KCNH8: variants seen among roughly 807,000 people sequenced by gnomAD.
The protein encoded by KCNH8 is potassium voltage-gated channel subfamily H member 8.
A neutral mutation model predicts 103.6 loss-of-function variants in KCNH8; 70 were observed. The observed-to-expected ratio is 0.68, with a 90% CI of 0.56 to 0.82. The LOEUF (loss-of-function observed/expected upper bound fraction) is 0.82, where lower values mean the gene tolerates loss of function less well. Ranked by LOEUF, KCNH8 falls within the 40% of genes least tolerant of loss-of-function variation. KCNH8 has a pLI of 0.00. For synonymous variants in KCNH8, 498 were observed against 489.4 expected (o/e 1.02, Z -0.23); for missense variants, 1,217 against 1,329.9 (o/e 0.92, Z 1.32).
intron 3 of KCNH8, among the ~76,000 whole-genome samples, chr3:19,293,106 C>G (rs896428278): frequency 6.6e-6 from 1 of 152,046 alleles, no homozygotes; most frequent in African/African-American, 2.4e-5. Context: ...TTTCTATATG[C>G]CAGACATATT....
chr3:19,155,420 A>G (rs932400417), intron 1 of KCNH8, among the ~76,000 whole-genome samples: 7 of 152,136 alleles, frequency 4.6e-5, no homozygotes, highest in Non-Finnish European at 1.5e-5. Context: ...CCCTGTGACC[A>G]TCAGTCCCTT....
chr3:19,477,644 G>A (rs1467239309), intron 11 of KCNH8, among the ~76,000 whole-genome samples: 2 of 151,986 alleles, frequency 1.3e-5, no homozygotes, highest in African/African-American at 4.8e-5. Flanking sequence ...AACAAACAAG[G>A]AATCCAGAAA....
At chr3:19,287,575 G>T (rs2064849455) in intron 3 of KCNH8, among the ~76,000 whole-genome samples, 2 of 146,212 alleles carry the variant, frequency 1.4e-5, no homozygotes, top group South Asian at 4.2e-4. Context: ...TCCACTTTTT[G>T]TTGTTGTTGT....
intron 1 of KCNH8, among the ~76,000 whole-genome samples, chr3:19,215,235 A>G (rs1158760977): frequency 6.6e-6 from 1 of 152,222 alleles, no homozygotes; most frequent in Non-Finnish European, 1.5e-5. Context: ...ACTAAGGTAC[A>G]GAAACTAAGA....
intron 11 of KCNH8, among the ~76,000 whole-genome samples, chr3:19,484,955 T>C (rs555518939): frequency 6.6e-6 from 1 of 152,282 alleles, no homozygotes; most frequent in Admixed American, 6.5e-5. Context: ...AAGGAGTGCA[T>C]TTAATTTTAA....
chr3:19,170,735 CAT>C (rs1231439099), intron 1 of KCNH8, among the ~76,000 whole-genome samples: 64 of 114,568 alleles, frequency 5.6e-4, no homozygotes, highest in African/African-American at 1.8e-3. Context: ...TATACACACA[CAT>C]ATATATACAC....
At chr3:19,304,806 G>T (rs2065109059) in intron 3 of KCNH8, among the ~76,000 whole-genome samples, 1 of 152,104 alleles carries the variant, frequency 6.6e-6, no homozygotes, top group African/African-American at 2.4e-5. Flanking sequence ...TTGAGACGTG[G>T]CTAGTGTTAC....
chr3:19,327,497 C>G (rs1173238087), intron 3 of KCNH8, among the ~76,000 whole-genome samples: 1 of 152,142 alleles, frequency 6.6e-6, no homozygotes, highest in Non-Finnish European at 1.5e-5. Context: ...ACCATGTTGG[C>G]TGGTCTGGTC....
intron 3 of KCNH8, among the ~76,000 whole-genome samples, chr3:19,335,832 C>G (rs1398229979): frequency 6.6e-6 from 1 of 151,672 alleles, no homozygotes; most frequent in Non-Finnish European, 1.5e-5. Flanking sequence ...CAATTTTCTA[C>G]AAAGTAATTT....
chr3:19,353,638 G>A lies in KCNH8; in HGVS notation c.811+5673G>A, dbSNP rs369915924. ...ACAGAACCAAAGACAAAAACCACAT[G>A]ATTATCTCAATAGATGCAGAAAAGG... On this transcript the variant is annotated intron_variant, in intron 5 of 15. Coordinates refer to ENST00000328405, the MANE Select transcript of KCNH8 (RefSeq NM_144633.3). Among the ~76,000 whole-genome samples, 13 of 152,256 alleles carry A rather than the reference G, an allele frequency of 8.5e-5. 1 individual carries two copies. The highest frequency in any genetic ancestry group is 4.6e-4 in the Admixed American group (7 of 15,286).
intron 11 of KCNH8, among the ~76,000 whole-genome samples, chr3:19,488,443 C>G (rs2068255849): frequency 6.6e-6 from 1 of 152,166 alleles, no homozygotes; most frequent in Admixed American, 6.5e-5. Flanking sequence ...CAAACCCTGC[C>G]TGTTTTTGCA....
chr3:19,350,770 T>C (rs970440627), intron 5 of KCNH8, among the ~76,000 whole-genome samples: 3 of 152,014 alleles, frequency 2.0e-5, no homozygotes, highest in African/African-American at 4.8e-5. Flanking sequence ...AACACAAAGA[T>C]GGGGAGAAAC....
At chr3:19,148,895 T>C in intron 1 of KCNH8, 100 bp downstream of exon 1, 1 of 1,063,812 alleles carries the variant, frequency 9.4e-7, no homozygotes, top group Non-Finnish European at 1.5e-6. Context: ...ACCAGCGGAG[T>C]GAATTTTCTT....
intron 7 of KCNH8, among the ~76,000 whole-genome samples, chr3:19,400,247 A>AAAAAAAAAAAAC (rs2066591947): frequency 6.6e-6 from 1 of 150,780 alleles, no homozygotes; most frequent in Non-Finnish European, 1.5e-5. Flanking sequence ...AAAAAAAAAA[A>AAAAAAAAAAAAC]AAAAAAAAGC....
chr3:19,509,145 A>G (rs2068742948), intron 11 of KCNH8, among the ~76,000 whole-genome samples: 1 of 152,212 alleles, frequency 6.6e-6, no homozygotes, highest in Non-Finnish European at 1.5e-5. Flanking sequence ...TATGTCTAAA[A>G]TGCATCTGGT....
intron 3 of KCNH8, among the ~76,000 whole-genome samples, chr3:19,316,247 A>G (rs145044840): frequency 4.7e-4 from 72 of 152,008 alleles, no homozygotes; most frequent in African/African-American, 1.7e-3. Context: ...TGTGCATTGT[A>G]GGATTTTTAG....
chr3:19,191,474 G>T (rs1434516360), intron 1 of KCNH8, among the ~76,000 whole-genome samples: 1 of 151,790 alleles, frequency 6.6e-6, no homozygotes, highest in Non-Finnish European at 1.5e-5. Context: ...ATCAGTTTAA[G>T]AATTAACTAA....
At chr3:19,237,152 T>G (rs554426846) in intron 1 of KCNH8, among the ~76,000 whole-genome samples, 1 of 152,334 alleles carries the variant, frequency 6.6e-6, no homozygotes, top group African/African-American at 2.4e-5. Flanking sequence ...AAGAACCACT[T>G]GATAGGAGGT....
intron 11 of KCNH8, among the ~76,000 whole-genome samples, chr3:19,500,077 T>G (rs2068542260): frequency 1.3e-5 from 2 of 152,018 alleles, no homozygotes; most frequent in Admixed American, 1.3e-4. Flanking sequence ...TAGGCTCAAA[T>G]TAAAGGACGG....
Sources: gnomAD v4.1 joint callset for allele counts (sites outside exome capture counted in the v4.1 genomes callset) on GRCh38, gnomAD v4.1.1 for gene constraint, MANE v1.5 for transcripts, NCBI Gene and HGNC (gene_info 2026-07-23, HGNC 2026-07-21) for gene names.